Variants in FTO observed in about 807,000 individuals in gnomAD.
FTO encodes alpha-ketoglutarate-dependent dioxygenase FTO.
A neutral mutation model predicts 63.9 loss-of-function variants in FTO; 47 were observed. The ratio of observed to expected loss-of-function variants is 0.74; its 90% CI spans 0.58 to 0.94. The LOEUF (loss-of-function observed/expected upper bound fraction) is 0.94. FTO is among the 40% of genes least tolerant of loss of function. The pLI is 0.00. For missense variants in FTO, 562 were observed against 618.1 expected (o/e 0.91, Z 0.96); for synonymous variants, 207 against 224.4 (o/e 0.92, Z 0.69).
rs183282528 is a variant in FTO, at chr16:54,112,099, G to A, written c.*184G>A. The A allele has an allele frequency of 3.1e-6, 2 of 648,496 alleles. No homozygotes were observed. The highest frequency in any genetic ancestry group is 2.7e-6 in the Non-Finnish European group (1 of 371,658). The allele number at this position is 648,496 out of a possible 1,614,324, so 40.2% of individuals were successfully genotyped here. A position where few individuals can be genotyped will look rare whatever the true frequency, so the allele number is the denominator to read the frequency against. On this transcript the variant is annotated 3_prime_UTR_variant, in exon 9 of 9. Coordinates refer to ENST00000471389, the MANE Select transcript of FTO (RefSeq NM_001080432.3). ...TTTAAATGTTTTAAAATGACCCTGT[G>A]TTATAGTCTGATTTGGTGTTAAACA...
chr16:53,978,876 G>C (rs2083482183), intron 8 of FTO, among the ~76,000 whole-genome samples: 1 of 152,008 alleles, frequency 6.6e-6, no homozygotes, highest in African/African-American at 2.4e-5. Context: ...ACACGTGCCT[G>C]TAATCCCAGC....
At chr16:54,087,646 T>A (rs1474477490) in intron 8 of FTO, among the ~76,000 whole-genome samples, 1 of 152,048 alleles carries the variant, frequency 6.6e-6, no homozygotes. Flanking sequence ...CTACAAAAAA[T>A]TTAAAAATTA....
rs192836336 is a variant in FTO at position 53,902,824 on chromosome 16, A to G, written c.1239+13873A>G. 3.9e-4 allele frequency among the ~76,000 whole-genome samples: 60 copies of G among 152,358 alleles called. 1 individual carries two copies. The highest frequency in any genetic ancestry group is 6.8e-4 in the Non-Finnish European group (46 of 68,040). ...ACACAGGATGCAGAATTCAAAAGTT[A>G]TCAACGTGGCCGGGCATGGTGGCTC... On this transcript the variant is annotated intron_variant, in intron 7 of 8. Transcript: ENST00000471389.
intron 4 of FTO, among the ~76,000 whole-genome samples, chr16:53,866,715 T>A (rs987980638): frequency 6.6e-6 from 1 of 152,170 alleles, no homozygotes; most frequent in East Asian, 1.9e-4. Context: ...TGTAGTGATG[T>A]CATCTCTTTC....
At chr16:54,048,126 T>TTAAAA (rs1555504346) in intron 8 of FTO, among the ~76,000 whole-genome samples, 7 of 56,428 alleles carry the variant, frequency 1.2e-4, no homozygotes, top group African/African-American at 4.4e-4. Flanking sequence ...AAAAAAAAAT[T>TTAAAA]AAAAAAAAAA....
intron 7 of FTO, among the ~76,000 whole-genome samples, chr16:53,923,625 A>G (rs1053272598): frequency 8.5e-5 from 13 of 152,154 alleles, no homozygotes; most frequent in African/African-American, 2.9e-4. Flanking sequence ...GCTGGCTTCT[A>G]TAAACAACAC....
intron 1 of FTO, among the ~76,000 whole-genome samples, chr16:53,763,386 A>T (rs1459500303): frequency 6.6e-6 from 1 of 152,216 alleles, no homozygotes; most frequent in Non-Finnish European, 1.5e-5. Flanking sequence ...GGTTTATTTT[A>T]AAAACCCGCA....
At chr16:53,955,912 G>A (rs1211443076) in intron 8 of FTO, among the ~76,000 whole-genome samples, 1 of 152,158 alleles carries the variant, frequency 6.6e-6, no homozygotes, top group Non-Finnish European at 1.5e-5. Context: ...GGAAGGCCAA[G>A]GTGGGAGGAT....
intron 8 of FTO, among the ~76,000 whole-genome samples, chr16:53,946,841 C>T (rs771465059): frequency 5.3e-5 from 8 of 152,180 alleles, no homozygotes; most frequent in Admixed American, 1.3e-4. Context: ...AATGAACCCT[C>T]GGAAAGCATA....
intron 8 of FTO, among the ~76,000 whole-genome samples, chr16:54,106,616 A>G (rs537802263): frequency 3.6e-5 from 5 of 140,144 alleles, no homozygotes; most frequent in South Asian, 2.1e-4. Context: ...ATAATTATAT[A>G]ATAAATATAT....
At chr16:53,878,732 A>G (rs904501605) in intron 5 of FTO, among the ~76,000 whole-genome samples, 2 of 152,228 alleles carry the variant, frequency 1.3e-5, no homozygotes, top group African/African-American at 4.8e-5. Flanking sequence ...GCCCATGTGC[A>G]TTGGCCTCTT....
At chr16:54,018,436 A>C (rs62034068) in intron 8 of FTO, among the ~76,000 whole-genome samples, 2,411 of 152,112 alleles carry the variant, frequency 0.016, 49 homozygotes, top group African/African-American at 0.054. Flanking sequence ...ATACATACAT[A>C]CATACATACA....
intron 1 of FTO, among the ~76,000 whole-genome samples, chr16:53,765,503 C>T (rs1203654904): frequency 2.7e-5 from 4 of 147,790 alleles, no homozygotes; most frequent in Admixed American, 6.8e-5. Context: ...TGCAGTGAGC[C>T]GAGAGATCAC....
chr16:53,848,175 C>T (rs2079687187), intron 4 of FTO, among the ~76,000 whole-genome samples: 1 of 152,030 alleles, frequency 6.6e-6, no homozygotes, highest in Admixed American at 6.6e-5. Flanking sequence ...CTAATGCTGC[C>T]TTTTCTCTTT....
intron 1 of FTO, among the ~76,000 whole-genome samples, chr16:53,792,574 C>T (rs138165238): frequency 1.9e-4 from 29 of 152,228 alleles, no homozygotes; most frequent in Non-Finnish European, 4.0e-4. Context: ...TAAAAAAAGC[C>T]AGAAATCCTG....
At position 53,826,285 on chromosome 16, in the gene FTO, G is replaced by A. The variant is rs61743972; in HGVS notation, c.545G>A (p.Gly182Asp). ...MSADFPRVGM[G>D]SSYNGQDEVD... ...GCAGATTTCCCCAGGGTTGGGATGG[G>A]TTCATCCTACAACGGACAAGATGAA... is the stretch of plus-strand genomic sequence containing the variant. The change falls in exon 3 of 9, where the codon GGT (glycine) becomes GAT (aspartate). Residue 182 changes from glycine to aspartate, a missense_variant. Gly to Asp is a moderately conservative substitution (Grantham distance 94). Transcript: ENST00000471389. 6.2e-7 allele frequency: 1 copy of A among 1,614,002 alleles called. No homozygotes were observed. The highest frequency in any genetic ancestry group is 1.3e-5 in the African/African-American group (1 of 74,912).
intron 1 of FTO, among the ~76,000 whole-genome samples, chr16:53,761,390 C>A (rs1306776781): frequency 6.6e-6 from 1 of 152,130 alleles, no homozygotes; most frequent in Non-Finnish European, 1.5e-5. Context: ...GTGTGAACCA[C>A]TGCACCCAGT....
chr16:53,985,479 A>G (rs1322151137), intron 8 of FTO, among the ~76,000 whole-genome samples: 1 of 152,168 alleles, frequency 6.6e-6, no homozygotes, highest in Non-Finnish European at 1.5e-5. Flanking sequence ...GAAAGAAAAA[A>G]ATTTTCCCAC....
At chr16:53,708,871 T>C (rs1190228221) in intron 1 of FTO, among the ~76,000 whole-genome samples, 2 of 152,246 alleles carry the variant, frequency 1.3e-5, no homozygotes, top group Non-Finnish European at 2.9e-5. Flanking sequence ...GTTGGATTGT[T>C]TGTGTTCCTA....
Sources: allele counts gnomAD v4.1 joint callset (sites outside exome capture counted in the v4.1 genomes callset), GRCh38; gene constraint gnomAD v4.1.1; transcripts MANE v1.5; gene names NCBI Gene and HGNC (gene_info 2026-07-23, HGNC 2026-07-21).